Variants in REEP1 observed in about 807,000 individuals in gnomAD.
REEP1 encodes receptor accessory protein 1.
A neutral mutation model predicts 40.3 loss-of-function variants in REEP1; 22 were observed. That is an observed-to-expected ratio of 0.55 (90% CI 0.39 to 0.78). The LOEUF is 0.78. Ranked by LOEUF, REEP1 falls within the 30% of genes least tolerant of loss-of-function variation. The pLI is 0.00. For missense variants in REEP1, 280 were observed against 361.1 expected, an observed-to-expected ratio of 0.78 and a Z score of 1.82; for synonymous variants, 116 against 139.2, an observed-to-expected ratio of 0.83 and a Z score of 1.17.
At chr2:86,294,372 C>A (rs1393219715) in intron 1 of REEP1, among the ~76,000 whole-genome samples, 1 of 152,082 alleles carries the variant, frequency 6.6e-6, no homozygotes, top group Non-Finnish European at 1.5e-5. Flanking sequence ...AATATTTGTT[C>A]AAAATCATCC....
chr2:86,324,120 A>G (rs958387434), intron 1 of REEP1, among the ~76,000 whole-genome samples: 7 of 151,908 alleles, frequency 4.6e-5, no homozygotes, highest in Admixed American at 4.6e-4. Flanking sequence ...CCTAGGACAC[A>G]AAAAGCAAAA....
chr2:86,277,861 C>CTTTATAAG (rs1005730495), intron 2 of REEP1, among the ~76,000 whole-genome samples: 16 of 152,326 alleles, frequency 1.1e-4, no homozygotes, highest in African/African-American at 3.6e-4. Flanking sequence ...TATTTTACAA[C>CTTTATAAG]TTTATAAGTT....
At chr2:86,261,180 C>G (rs4832266) in intron 3 of REEP1, among the ~76,000 whole-genome samples, 132,675 of 152,136 alleles carry the variant, frequency 0.87, 58,292 homozygotes, top group East Asian at 0.96. Context: ...CCTAGCACCA[C>G]ACAGAAGGCC....
intron 1 of REEP1, among the ~76,000 whole-genome samples, chr2:86,320,903 C>T (rs1235019316): frequency 6.6e-6 from 1 of 152,242 alleles, no homozygotes; most frequent in Non-Finnish European, 1.5e-5. Context: ...ACGGCAACCT[C>T]CGCCTCCTGG....
At chr2:86,217,226 G>C in intron 8 of REEP1, 116 bp from the exon 9 acceptor site, 1 of 840,426 alleles carries the variant, frequency 1.2e-6, no homozygotes. Flanking sequence ...AAATGCAGCT[G>C]GCTAGGGCTG....
chr2:86,252,572 T>C (rs945272961), intron 4 of REEP1, among the ~76,000 whole-genome samples: 1 of 152,228 alleles, frequency 6.6e-6, no homozygotes, highest in Non-Finnish European at 1.5e-5. Context: ...TTAAATGAGG[T>C]AATTCCAGTA....
intron 5 of REEP1, among the ~76,000 whole-genome samples, chr2:86,240,504 G>T (rs972434475): frequency 1.3e-5 from 2 of 152,212 alleles, no homozygotes. Context: ...GGGAAGGCAC[G>T]TGCTGGCGGG....
intron 7 of REEP1, among the ~76,000 whole-genome samples, chr2:86,225,476 C>T (rs1573993105): frequency 2.0e-5 from 3 of 152,236 alleles, no homozygotes; most frequent in South Asian, 2.1e-4. Flanking sequence ...TCTCCATGTT[C>T]GTCAGGCTGG....
chr2:86,215,407 G>A lies in REEP1; in HGVS notation c.*1632C>T, dbSNP rs2103933559. 6.6e-6 allele frequency: 1 copy of A among 152,458 alleles called. No homozygotes were observed. The highest frequency in any genetic ancestry group is 6.5e-5 in the Admixed American group (1 of 15,278). 9.4% of individuals were successfully genotyped at this position (152,458 alleles called of 1,614,324 possible). ...TCCAGCTAATGTGTCATCAGCAAAGGCCTCTAATATGTGTTTGCGTAGTAA... is the reference window on the plus strand; with the variant it reads ...TCCAGCTAATGTGTCATCAGCAAAGACCTCTAATATGTGTTTGCGTAGTAA... On this transcript the variant is annotated 3_prime_UTR_variant, in exon 9 of 9. Transcript: ENST00000538924.
intron 5 of REEP1, among the ~76,000 whole-genome samples, chr2:86,239,208 CAAAAAAAAAAAA>C (rs35714309): frequency 2.1e-4 from 12 of 58,360 alleles, no homozygotes; most frequent in East Asian, 9.9e-4. Context: ...CCATCTAGAC[CAAAAAAAAAAAA>C]AAAAAAAAAA....
intron 5 of REEP1, among the ~76,000 whole-genome samples, chr2:86,242,777 C>T (rs577431031): frequency 3.9e-5 from 6 of 152,096 alleles, no homozygotes; most frequent in African/African-American, 1.4e-4. Flanking sequence ...AGAGAGCAGT[C>T]GACCATTTGG....
At chr2:86,231,711 C>A (rs372778705) in intron 6 of REEP1, among the ~76,000 whole-genome samples, 8 of 152,156 alleles carry the variant, frequency 5.3e-5, no homozygotes, top group Non-Finnish European at 8.8e-5. Context: ...CCCACCCCCC[C>A]ACCATCAGTC....
chr2:86,337,798 G>T (rs1467654370), upstream of REEP1: 9 of 813,874 alleles, frequency 1.1e-5, no homozygotes, highest in East Asian at 3.0e-4. This position sits in a 1 kb window ranked among gnomAD's most constrained non-coding sequence, Gnocchi z 5.8. Flanking sequence ...CTGGCCCCCG[G>T]CTGAAGGCGG....
intron 7 of REEP1, among the ~76,000 whole-genome samples, chr2:86,226,327 C>A (rs1026538559): frequency 3.3e-5 from 5 of 152,122 alleles, no homozygotes; most frequent in Non-Finnish European, 7.4e-5. Context: ...AAAGCAGGAA[C>A]AGGGCTCCCT....
At chr2:86,222,902 A>G (rs145006911) in intron 7 of REEP1, among the ~76,000 whole-genome samples, 2 of 152,306 alleles carry the variant, frequency 1.3e-5, no homozygotes, top group African/African-American at 4.8e-5. Flanking sequence ...TGCCTCCTCC[A>G]TGTTCTTGTC....
At chr2:86,327,524 G>A (rs1680565861) in intron 1 of REEP1, among the ~76,000 whole-genome samples, 1 of 151,512 alleles carries the variant, frequency 6.6e-6, no homozygotes, top group South Asian at 2.1e-4. Flanking sequence ...CTCTTAGTGA[G>A]ATGGAGCAGT....
At chr2:86,236,223 A>T (rs1199184031) in intron 5 of REEP1, among the ~76,000 whole-genome samples, 1 of 151,888 alleles carries the variant, frequency 6.6e-6, no homozygotes, top group Non-Finnish European at 1.5e-5. Flanking sequence ...ATCTCAAAAA[A>T]AAAAAAAATC....
chr2:86,281,138 C>A (rs1678056998), intron 2 of REEP1, among the ~76,000 whole-genome samples: 1 of 152,154 alleles, frequency 6.6e-6, no homozygotes, highest in Non-Finnish European at 1.5e-5. Flanking sequence ...GGGAAGGACA[C>A]CCTTCCCTCA....
chr2:86,221,596 C>CA (rs1674431323), intron 7 of REEP1, among the ~76,000 whole-genome samples: 1 of 152,096 alleles, frequency 6.6e-6, no homozygotes, highest in South Asian at 2.1e-4. Context: ...GGCTGTGCCA[C>CA]ACAGCTTGTG....
Sources: gnomAD v4.1 joint callset for allele counts (sites outside exome capture counted in the v4.1 genomes callset) on GRCh38, gnomAD v4.1.1 for gene constraint, Gnocchi (gnomAD v3.1) non-coding constraint, MANE v1.5 for transcripts, NCBI Gene and HGNC (gene_info 2026-07-23, HGNC 2026-07-21) for gene names.